The following ATP7A variants were observed in gnomAD, a reference collection of about 807,000 sequenced individuals.
ATP7A encodes the protein copper-transporting ATPase 1.
Under a neutral mutation model 83.5 loss-of-function variants are expected in ATP7A, and 7 were observed. The observed-to-expected ratio is 0.08, with a 90% confidence interval of 0.05 to 0.16. The LOEUF (loss-of-function observed/expected upper bound fraction) is 0.16, where lower values mean the gene tolerates loss of function less well. Ranked by LOEUF, ATP7A falls within the 10% of genes least tolerant of loss-of-function variation. The pLI, the probability that ATP7A is intolerant of heterozygous loss-of-function variation, is 1.00. For synonymous variants in ATP7A, 354 were observed against 395.2 expected (o/e 0.90, Z 1.24); for missense variants, 940 against 1,120.8 (o/e 0.84, Z 2.30).
intron 1 of ATP7A, among the ~76,000 whole-genome samples, chrX:77,925,916 G>C (rs967292027): frequency 3.6e-5 from 2 of 56,318 alleles, no homozygotes; most frequent in Non-Finnish European, 7.1e-5. Flanking sequence ...AAAGTAATAA[G>C]GCTTTTTTTT....
At chrX:78,021,168 T>G in intron 14 of ATP7A, 89 bp downstream of exon 14, 1 of 965,060 alleles carries the variant, frequency 1.0e-6, no homozygotes, top group Non-Finnish European at 1.5e-6. Flanking sequence ...CTTTAATAAT[T>G]ACCAGGATCT....
intron 4 of ATP7A, among the ~76,000 whole-genome samples, chrX:77,995,365 G>T (rs1311220684): frequency 3.6e-5 from 4 of 110,155 alleles, no homozygotes; most frequent in African/African-American, 6.6e-5. Context: ...AGGAGTTCGA[G>T]ACCAGCCTGG....
chrX:77,962,428 G>C (rs2077478780), intron 1 of ATP7A: 2 of 217,365 alleles, frequency 9.2e-6, no homozygotes, highest in Admixed American at 6.0e-5. Flanking sequence ...CCATACTGTG[G>C]AGTGTACTTT....
chrX:77,947,108 A>G (rs1355496248), intron 1 of ATP7A, among the ~76,000 whole-genome samples: 1 of 112,109 alleles, frequency 8.9e-6, no homozygotes, highest in Non-Finnish European at 1.9e-5. Flanking sequence ...CTGACACATG[A>G]TACTACATGG....
In ATP7A at chrX:78,033,648, T is replaced by C. The variant is rs1474684758; in HGVS notation, c.3338T>C (p.Val1113Ala). ...TTGGGTACCTGCATAGATTTCCAGG[T>C]TGTGCCAGGCTGTGGTATTAGCTGT... Reference protein sequence around the residue: ...ETLGTCIDFQVVPGCGISCKV... With the variant: ...ETLGTCIDFQAVPGCGISCKV... The change falls in exon 17 of 23, where the codon GTT becomes GCT. Residue 1113 changes from valine (V) to alanine (A), a missense_variant. This residue lies in a region of ATP7A where 386 missense variants were observed against 502.2 expected (regional missense o/e 0.77). Transcript: ENST00000341514. 1 of 1,210,058 alleles carries C rather than the reference T, an allele frequency of 8.3e-7. No individual in the cohort carries two copies. Among genetic ancestry groups the C allele is most frequent in the Non-Finnish European group, 1.1e-6 (1 of 895,346 alleles).
rs564939456 is a variant in ATP7A at position 78,033,165 on chromosome X, C to T, written c.3295-440C>T. Among the ~76,000 whole-genome samples the T allele has an allele frequency of 1.1e-4, 12 of 111,936 alleles. No individual in the cohort carries two copies. In the South Asian group the frequency reaches 4.5e-3, roughly 42 times the overall value. ...TGTCACCCAGGCTGGAGTGCAATAG[C>T]GCAATCTCAACTCACTGCAACTTCC... On this transcript the variant is annotated intron_variant, in intron 16 of 22. Transcript: ENST00000341514.
At chrX:77,985,072 T>G (rs1303241497) in intron 2 of ATP7A, among the ~76,000 whole-genome samples, 1 of 110,780 alleles carries the variant, frequency 9.0e-6, no homozygotes, top group Non-Finnish European at 1.9e-5. Flanking sequence ...CAGGCTGGAG[T>G]GCAGTGGCAC....
chrX:78,042,667 G>A lies in ATP7A; in HGVS notation c.3884G>A (p.Arg1295Gln), dbSNP rs375709681. The A allele has an allele frequency of 9.9e-6, 12 of 1,210,041 alleles. No homozygotes were observed. The highest frequency in any genetic ancestry group is 1.7e-5 in the African/African-American group (1 of 57,150). ...KVKQLQEEGK[R>Q]VAMVGDGIND... ...AAGCAACTTCAAGAGGAGGGGAAAC[G>A]GGTAGCAATGGTGGGAGATGGAATC... The change falls in exon 20 of 23, where the codon CGG becomes CAG. Residue 1295 changes from arginine (R) to glutamine (Q), a missense_variant. Arg to Gln is a conservative substitution (Grantham distance 43). This residue lies in a region of ATP7A where 386 missense variants were observed against 502.2 expected (regional missense o/e 0.77). Transcript: ENST00000341514.
At chrX:77,955,017 C>T (rs1438010893) in intron 1 of ATP7A, among the ~76,000 whole-genome samples, 12 of 110,304 alleles carry the variant, frequency 1.1e-4, no homozygotes, top group African/African-American at 3.3e-4. Flanking sequence ...TATAGGTAGT[C>T]CTATGACATA....
At chrX:78,013,880 C>G (rs1458420171) in intron 10 of ATP7A, among the ~76,000 whole-genome samples, 2 of 97,801 alleles carry the variant, frequency 2.0e-5, no homozygotes, top group African/African-American at 8.0e-5. Flanking sequence ...GCATCCCCCC[C>G]ACAAATTCTT....
Position 78,050,237 on chromosome X carries a change from CATTG to C in ATP7A, c.*3672_*3675del, listed in dbSNP as rs782720264. On this transcript the variant is annotated 3_prime_UTR_variant, in exon 23 of 23. Coordinates refer to ENST00000341514, the MANE Select transcript of ATP7A (RefSeq NM_000052.7). ...AAATGTTTAGCTAAACGTTGTTGAA[CATTG>C]ATTGTTTGGTACCGAAAACAGCAGT... 3.6e-5 allele frequency: 4 copies of C among 112,149 alleles called. No homozygotes were observed. In the East Asian group the frequency reaches 8.4e-4, roughly 23 times the overall value. 9.2% of individuals were successfully genotyped at this position (112,149 alleles called of 1,213,427 possible). A position where few individuals can be genotyped will look rare whatever the true frequency, so the allele number is the denominator to read the frequency against.
At chrX:78,036,898 G>A (rs2078017509) in intron 17 of ATP7A, among the ~76,000 whole-genome samples, 3 of 111,423 alleles carry the variant, frequency 2.7e-5, no homozygotes, top group Admixed American at 1.9e-4. Context: ...GTATAGCAGA[G>A]GTTGTAAGAA....
At chrX:78,039,040 ATT>A in intron 18 of ATP7A, 58 bp downstream of exon 18, 1 of 1,159,636 alleles carries the variant, frequency 8.6e-7, no homozygotes, top group Non-Finnish European at 1.2e-6. Context: ...TTATTAATTT[ATT>A]TATTTTTGAG....
chrX:77,975,839 G>C (rs10521358), intron 2 of ATP7A: 24,364 of 110,835 alleles, frequency 0.22, 2,117 homozygotes, highest in African/African-American at 0.29. Context: ...AGGCCTTAAT[G>C]AGTCAGTAAT....
chrX:77,948,002 A>T (rs1479808215), intron 1 of ATP7A, among the ~76,000 whole-genome samples: 1 of 109,449 alleles, frequency 9.1e-6, no homozygotes, highest in Non-Finnish European at 1.9e-5. Context: ...AGCCTCCCAG[A>T]GTGCTGGGAT....
chrX:77,967,793 C>T (rs782388529), intron 1 of ATP7A, among the ~76,000 whole-genome samples: 12 of 111,677 alleles, frequency 1.1e-4, no homozygotes, highest in African/African-American at 3.9e-4. Context: ...ATACCATAGA[C>T]TGGGTGGTCT....
Position 78,011,467 on chromosome X carries a change from T to A in ATP7A, c.1965T>A (p.Leu655=), listed in dbSNP as rs2077825107. Residue 655 remains leucine (L), a synonymous_variant, in exon 9 of 23, where the codon CTT becomes CTA. Coordinates refer to ENST00000341514, the MANE Select transcript of ATP7A (RefSeq NM_000052.7). ...REIRQWRRSF[L]VSLFFCIPVM... is the part of the protein sequence containing the mutation. Reference sequence around the variant, plus strand: ...ATATAAGATGGAGACGGTCTTTTCTTGTGAGTCTGTTTTTCTGTATTCCTG... The same window carrying A: ...ATATAAGATGGAGACGGTCTTTTCTAGTGAGTCTGTTTTTCTGTATTCCTG... 1 of 1,210,732 alleles carries A rather than the reference T, an allele frequency of 8.3e-7. No homozygotes were observed. Among genetic ancestry groups the A allele is most frequent in the East Asian group, 3.0e-5 (1 of 33,830 alleles).
intron 5 of ATP7A, among the ~76,000 whole-genome samples, chrX:78,002,721 G>A (rs999219928): frequency 3.7e-5 from 4 of 109,149 alleles, no homozygotes; most frequent in Non-Finnish European, 7.6e-5. Flanking sequence ...AGTGGAGGGT[G>A]TAGGAATGTA....
Position 77,998,569 on chromosome X carries a change from AC to A in ATP7A, c.1430del (p.Pro477GlnfsTer21), listed in dbSNP as rs2077719481. Reference protein sequence around the residue: ...TNEFYTKGMTPVQDKEEGKNS... With the variant: ...TNEFYTKGMTXVQDKEEGKNS... ...ATGAATTTTATACTAAAGGGATGAC[AC>A]CAGTTCAAGACAAGGAGGAAGGAAA... On this transcript the variant is annotated frameshift_variant, in exon 5 of 23. Transcript: ENST00000341514. LOFTEE classifies it high-confidence loss of function. 1 of 1,210,202 alleles carries A rather than the reference AC, an allele frequency of 8.3e-7. No homozygotes were observed. Among genetic ancestry groups the A allele is most frequent in the Non-Finnish European group, 1.1e-6 (1 of 895,129 alleles).
Sources: allele counts gnomAD v4.1 joint callset (sites outside exome capture counted in the v4.1 genomes callset), GRCh38; gene constraint gnomAD v4.1.1; regional missense constraint gnomAD v4.1.1; transcripts MANE v1.5; gene names NCBI Gene and HGNC (gene_info 2026-07-23, HGNC 2026-07-21).